Variants in OSBPL8 observed in about 807,000 individuals in gnomAD.
OSBPL8 encodes the protein oxysterol-binding protein-related protein 8.
OSBPL8 carries 59 observed loss-of-function variants against 125.5 expected under a neutral mutation model. The observed-to-expected ratio is 0.47, with a 90% CI of 0.38 to 0.58. The LOEUF (loss-of-function observed/expected upper bound fraction) is 0.58. OSBPL8 is among the 20% of genes least tolerant of loss of function. OSBPL8 has a pLI of 0.00. For synonymous variants in OSBPL8, 330 were observed against 338.9 expected, an observed-to-expected ratio of 0.97 and a Z score of 0.29; for missense variants, 758 against 1,047.8, an observed-to-expected ratio of 0.72 and a Z score of 3.82.
At chr12:76,531,680 T>C (rs1436330435) in intron 1 of OSBPL8, among the ~76,000 whole-genome samples, 2 of 152,076 alleles carry the variant, frequency 1.3e-5, no homozygotes, top group Admixed American at 6.6e-5. Flanking sequence ...AATCCAGTAG[T>C]CTTGAAGGTA....
chr12:76,391,565 C>G lies in OSBPL8; in HGVS notation c.930-908G>C, dbSNP rs551852941. Among the ~76,000 whole-genome samples, 67 of 152,194 alleles carry G rather than the reference C, an allele frequency of 4.4e-4. 2 individuals are homozygous for G. The South Asian group carries it at 0.013, about 31-fold the overall frequency. The stretch of plus-strand genomic sequence containing the variant: ...AAGAAAAGAAAAAAAACCTGGGCAA[C>G]ATAGTGAGACTATGTCTCAATAAAT... On this transcript the variant is annotated intron_variant, in intron 10 of 23. Transcript: ENST00000261183.
At chr12:76,477,858 A>T (rs1305011296) in intron 2 of OSBPL8, among the ~76,000 whole-genome samples, 1 of 152,004 alleles carries the variant, frequency 6.6e-6, no homozygotes, top group Non-Finnish European at 1.5e-5. Flanking sequence ...AAGTTTATTT[A>T]AAAATATATA....
chr12:76,496,620 A>G (rs931872030), intron 1 of OSBPL8, among the ~76,000 whole-genome samples: 1 of 151,744 alleles, frequency 6.6e-6, no homozygotes, highest in African/African-American at 2.4e-5. Flanking sequence ...AGCTCACTGC[A>G]ACCTCCGCTT....
chr12:76,491,002 A>G (rs567281187), intron 1 of OSBPL8, among the ~76,000 whole-genome samples: 1 of 152,292 alleles, frequency 6.6e-6, no homozygotes, highest in African/African-American at 2.4e-5. Flanking sequence ...AGCAGGTCCA[A>G]GTGAGTGGAG....
At chr12:76,528,855 AAAAAAT>A (rs1262235772) in intron 1 of OSBPL8, among the ~76,000 whole-genome samples, 1 of 151,818 alleles carries the variant, frequency 6.6e-6, no homozygotes, top group Non-Finnish European at 1.5e-5. Context: ...CCCTGTCTCA[AAAAAAT>A]AAAAATAAAA....
chr12:76,378,606 C>A, intron 15 of OSBPL8, 56 bp from the exon 16 acceptor site: 1 of 1,246,606 alleles, frequency 8.0e-7, no homozygotes, highest in Non-Finnish European at 1.1e-6. Flanking sequence ...CAATTCAAAA[C>A]AAACAAAATA....
intron 4 of OSBPL8, among the ~76,000 whole-genome samples, chr12:76,444,379 A>C (rs1007254922): frequency 1.3e-5 from 2 of 152,206 alleles, no homozygotes; most frequent in Non-Finnish European, 2.9e-5. Context: ...AAGAATTTTG[A>C]AAACTGAGAT....
At chr12:76,528,494 T>C (rs1405594175) in intron 1 of OSBPL8, among the ~76,000 whole-genome samples, 1 of 152,190 alleles carries the variant, frequency 6.6e-6, no homozygotes, top group South Asian at 2.1e-4. Context: ...TTATATTTTA[T>C]ATATAAATCA....
intron 2 of OSBPL8, among the ~76,000 whole-genome samples, chr12:76,463,478 T>C (rs1372077315): frequency 6.6e-6 from 1 of 152,162 alleles, no homozygotes; most frequent in Non-Finnish European, 1.5e-5. Flanking sequence ...GCTGGATATA[T>C]AAATCTGTAT....
chr12:76,390,509 T>C lies in OSBPL8; in HGVS notation c.1078A>G (p.Arg360Gly). Residue 360 changes from arginine (R) to glycine (G), a missense_variant, in exon 11 of 24, where the codon AGA becomes GGA. Arg to Gly is a moderately radical substitution (Grantham distance 125, BLOSUM62 -2). Transcript: ENST00000261183. ...GGTTCGATATATGAGTCATCTTGTC[T>C]TTCTGATGTATCTGTGTCACTTTCT... ...SEESDTDTSE[R>G]QDDSYIEPEP... is the part of the protein sequence containing the mutation. The C allele has an allele frequency of 6.2e-7, 1 of 1,613,984 alleles. No individual in the cohort carries two copies. The highest frequency in any genetic ancestry group is 2.2e-5 in the East Asian group (1 of 44,830).
chr12:76,459,943 G>A, intron 2 of OSBPL8, 48 bp from the exon 3 acceptor site: 1 of 1,597,962 alleles, frequency 6.3e-7, no homozygotes, highest in Non-Finnish European at 8.6e-7. Context: ...GTCCAAATCA[G>A]GAAGAAGCAA....
intron 17 of OSBPL8, among the ~76,000 whole-genome samples, chr12:76,373,853 A>G: frequency 6.8e-6 from 1 of 148,030 alleles, no homozygotes; most frequent in South Asian, 2.1e-4. Flanking sequence ...AAACAAACAA[A>G]CAAAAGTAAA....
At chr12:76,499,328 A>T (rs1302067069) in intron 1 of OSBPL8, among the ~76,000 whole-genome samples, 10 of 114,474 alleles carry the variant, frequency 8.7e-5, no homozygotes, top group Non-Finnish European at 1.8e-4. Context: ...CTATCTATCT[A>T]TCTATCTATC....
intron 15 of OSBPL8, among the ~76,000 whole-genome samples, chr12:76,380,052 T>C (rs185143801): frequency 1.1e-3 from 171 of 152,342 alleles, no homozygotes; most frequent in African/African-American, 4.0e-3. Context: ...CTTAGCTTTA[T>C]TCTAAAATCA....
chr12:76,413,097 C>T (rs752290009), intron 4 of OSBPL8, among the ~76,000 whole-genome samples: 1 of 152,128 alleles, frequency 6.6e-6, no homozygotes, highest in African/African-American at 2.4e-5. Context: ...ATAGAAAGAA[C>T]TCCATTTTTA....
intron 1 of OSBPL8, among the ~76,000 whole-genome samples, chr12:76,539,544 GAAAAC>G (rs1950587837): frequency 2.0e-5 from 3 of 152,204 alleles, no homozygotes; most frequent in Admixed American, 2.0e-4. Context: ...CTGAAAGCAA[GAAAAC>G]AAAAGCCATC....
rs187126535 is a variant in OSBPL8, at chr12:76,528,051, G to A, written c.-68+31346C>T. On this transcript the variant is annotated intron_variant, in intron 1 of 23. Coordinates refer to ENST00000261183, the MANE Select transcript of OSBPL8 (RefSeq NM_020841.5). ...ATAAGCATTATTGTTGGCCAGGCAC[G>A]GTGGCTCACACCTGTAATCCCAGCA... 1.2e-4 allele frequency among the ~76,000 whole-genome samples: 18 copies of A among 152,212 alleles called. No individual in the cohort carries two copies. The South Asian group carries it at 2.1e-3, about 18-fold the overall frequency.
intron 1 of OSBPL8, among the ~76,000 whole-genome samples, 168 bp from the exon 2 acceptor site, chr12:76,487,786 G>C (rs1169082130): frequency 1.3e-5 from 2 of 151,856 alleles, no homozygotes; most frequent in Non-Finnish European, 2.9e-5. Context: ...AAGGTTCAGA[G>C]AAAAATGAAA....
intron 21 of OSBPL8, among the ~76,000 whole-genome samples, 188 bp from the exon 22 acceptor site, chr12:76,358,999 A>C (rs2136130246): frequency 6.6e-6 from 1 of 152,338 alleles, no homozygotes; most frequent in Middle Eastern, 3.4e-3. Context: ...TTTTAATAGG[A>C]AGTACTTTGG....
Sources: gnomAD v4.1 joint callset for allele counts (sites outside exome capture counted in the v4.1 genomes callset) on GRCh38, gnomAD v4.1.1 for gene constraint, MANE v1.5 for transcripts, NCBI Gene and HGNC (gene_info 2026-07-23, HGNC 2026-07-21) for gene names.